Variants in SNTA1 observed in about 807,000 individuals in gnomAD.
The protein encoded by SNTA1 is syntrophin alpha 1, also known as alpha-1-syntrophin.
Under a neutral mutation model 47.1 loss-of-function variants are expected in SNTA1, and 31 were observed. That is an observed-to-expected ratio of 0.66 (90% CI 0.49 to 0.89). SNTA1 has a LOEUF of 0.89. SNTA1 is among the 40% of genes least tolerant of loss of function. The pLI is 0.00. For missense variants in SNTA1, 575 were observed against 693.0 expected, an observed-to-expected ratio of 0.83 and a Z score of 1.91; for synonymous variants, 300 against 313.6, an observed-to-expected ratio of 0.96 and a Z score of 0.46.
At chr20:33,442,689 C>T (rs1600867437) in intron 1 of SNTA1, among the ~76,000 whole-genome samples, 1 of 152,110 alleles carries the variant, frequency 6.6e-6, no homozygotes, top group Non-Finnish European at 1.5e-5. Flanking sequence ...ACCCCACTAG[C>T]GGTCAGTCCT....
At chr20:33,417,638 C>G in intron 3 of SNTA1, 81 bp downstream of exon 3, 1 of 995,570 alleles carries the variant, frequency 1.0e-6, no homozygotes, top group Admixed American at 1.7e-5. Context: ...ATTCGTACAA[C>G]ACAGAGGTGT....
rs1243911929 is a variant in SNTA1, at chr20:33,438,963, T to G, written c.374A>C (p.Gln125Pro). ...SKIFKGLAAD[Q>P]TEALFVGDAI... The stretch of plus-strand genomic sequence containing the variant: ...ATCCCCCACAAAAAGGGCCTCTGTC[T>G]GGTCAGCTGCCAATCCCTTGAAGAT... The change falls in exon 2 of 8, where the codon CAG (glutamine) becomes CCG (proline). Residue 125 changes from glutamine (Q) to proline (P), a missense_variant. Physicochemically the swap from Gln to Pro is moderately conservative, Grantham distance 76. Transcript: ENST00000217381. 6.2e-7 allele frequency: 1 copy of G among 1,614,062 alleles called. No homozygotes were observed. The highest frequency in any genetic ancestry group is 1.3e-5 in the African/African-American group (1 of 74,928).
At chr20:33,418,942 T>TGTC (rs1401321188) in intron 2 of SNTA1, among the ~76,000 whole-genome samples, 3 of 151,522 alleles carry the variant, frequency 2.0e-5, no homozygotes, top group African/African-American at 7.3e-5. Flanking sequence ...GGTGAAACCC[T>TGTC]GTCTCTACTA....
intron 2 of SNTA1, among the ~76,000 whole-genome samples, chr20:33,427,563 A>C (rs1233161913): frequency 6.6e-6 from 1 of 152,158 alleles, no homozygotes; most frequent in African/African-American, 2.4e-5. Flanking sequence ...TTTGGGGGAT[A>C]AAATCTCACC....
chr20:33,439,095 C>T lies in SNTA1; in HGVS notation c.311-69G>A. On this transcript the variant is annotated intron_variant, in intron 1 of 7. Transcript: ENST00000217381. ...AACACTTGGGAGTCACATCAAGACA[C>T]AATTATTTCTGAAGGCTTCCCTTGG... The T allele has an allele frequency of 2.1e-6, 3 of 1,401,382 alleles. No individual in the cohort carries two copies. In the South Asian group the frequency reaches 3.5e-5, roughly 16 times the overall value. The allele number at this position is 1,401,382 out of a possible 1,614,324, so 86.8% of individuals were successfully genotyped here.
chr20:33,432,771 G>A (rs998877319), intron 2 of SNTA1, among the ~76,000 whole-genome samples: 1 of 152,164 alleles, frequency 6.6e-6, no homozygotes, highest in Non-Finnish European at 1.5e-5. Context: ...TGAGATAGGA[G>A]GATCGCTTGA....
chr20:33,418,807 AAAAAAAAAAAAAAAAG>A (rs1989945995), intron 2 of SNTA1, among the ~76,000 whole-genome samples: 1 of 128,696 alleles, frequency 7.8e-6, no homozygotes, highest in Non-Finnish European at 1.6e-5. Context: ...AAAAAAAAAA[AAAAAAAAAAAAAAAAG>A]ACTCCCAGGC....
rs1435395578 is a variant in SNTA1 at position 33,417,791 on chromosome 20, C to T, written c.629G>A (p.Ser210Asn). Residue 210 changes from serine to asparagine, a missense_variant, in exon 3 of 8, where the codon AGC becomes AAC. By Grantham distance (46) the Ser-to-Asn change is conservative. Transcript: ENST00000217381. Reference sequence around the variant, plus strand: ...CTTCAAGGACATGTGTTTGGCCTCGCTGAAGTTCCGGGGTGTGGGGCCAGG... The same window carrying T: ...CTTCAAGGACATGTGTTTGGCCTCGTTGAAGTTCCGGGGTGTGGGGCCAGG... ...SSPGPTPRNF[S>N]EAKHMSLKMA... 1 of 1,614,148 alleles carries T rather than the reference C, an allele frequency of 6.2e-7. No individual in the cohort carries two copies. The highest frequency in any genetic ancestry group is 8.5e-7 in the Non-Finnish European group (1 of 1,180,024).
rs147131997 is a variant in SNTA1 at position 33,430,747 on chromosome 20, G to T, written c.496+8094C>A. 3.3e-5 allele frequency among the ~76,000 whole-genome samples: 5 copies of T among 151,652 alleles called. No individual in the cohort carries two copies. In the East Asian group the frequency reaches 5.9e-4, roughly 18 times the overall value. ...GCGGATCACATGAGGTCAGGAATTC[G>T]AGACCAGCCTGGCTAACATGGTGAG... On this transcript the variant is annotated intron_variant, in intron 2 of 7. Transcript: ENST00000217381.
rs1009302553 is a variant in SNTA1 at position 33,439,024 on chromosome 20, C to T, written c.313G>A (p.Gly105Ser). Residue 105 changes from glycine (G) to serine (S), a missense_variant and splice_region_variant, in exon 2 of 8, where the codon GGC becomes AGC. Gly to Ser is a moderately conservative substitution (Grantham distance 56). Coordinates refer to ENST00000217381, the MANE Select transcript of SNTA1 (RefSeq NM_003098.3). The stretch of plus-strand genomic sequence containing the variant: ...AGAATAGGCATCTTGTTCTCCCGGC[C>T]GCCTGCACAGGTACAGAAGGAGGAC... ...AGGLGISIKG[G>S]RENKMPILIS... 3 of 1,613,964 alleles carry T rather than the reference C, an allele frequency of 1.9e-6. No individual in the cohort carries two copies. Among genetic ancestry groups the T allele is most frequent in the East Asian group, 2.2e-5 (1 of 44,882 alleles).
chr20:33,440,897 TA>T (rs1207807998), intron 1 of SNTA1, among the ~76,000 whole-genome samples: 3 of 152,214 alleles, frequency 2.0e-5, no homozygotes, highest in Admixed American at 2.0e-4. Context: ...CGGCTATTCC[TA>T]TGGCCTCAAA....
rs571670116 is a variant in SNTA1 at position 33,411,712 on chromosome 20, C to T, written c.1040+584G>A. Among the ~76,000 whole-genome samples, 82 of 152,342 alleles carry T rather than the reference C, an allele frequency of 5.4e-4. 1 individual carries two copies. The South Asian group carries it at 0.014, about 25-fold the overall frequency. ...AATAGAAGCTCTTCAAGATCAGGCC[C>T]TGCCAACTCCCTTCTCTCCATTTCC... On this transcript the variant is annotated intron_variant, in intron 5 of 7. Coordinates refer to ENST00000217381, the MANE Select transcript of SNTA1 (RefSeq NM_003098.3).
intron 2 of SNTA1, among the ~76,000 whole-genome samples, chr20:33,427,543 G>A (rs889150180): frequency 1.3e-5 from 2 of 152,124 alleles, no homozygotes; most frequent in African/African-American, 2.4e-5. Flanking sequence ...GAGCCCAGGG[G>A]TTGCCACACT....
chr20:33,436,744 C>T (rs940500265), intron 2 of SNTA1, among the ~76,000 whole-genome samples: 2 of 151,542 alleles, frequency 1.3e-5, no homozygotes, highest in Non-Finnish European at 1.5e-5. Flanking sequence ...AGGCAGATCA[C>T]GAGGTCAGGA....
chr20:33,430,893 G>A (rs984577099), intron 2 of SNTA1, among the ~76,000 whole-genome samples: 4 of 151,562 alleles, frequency 2.6e-5, no homozygotes, highest in Admixed American at 2.0e-4. Flanking sequence ...AGATTGCAGT[G>A]AGCCGAGATC....
intron 2 of SNTA1, 37 bp from the exon 3 acceptor site, chr20:33,417,960 A>T (rs764636803): frequency 7.4e-7 from 1 of 1,356,064 alleles, no homozygotes; most frequent in Non-Finnish European, 1.1e-6. Context: ...CCACTGTGAC[A>T]TGGGCTCCCA....
Position 33,408,580 on chromosome 20 carries a change from C to G in SNTA1, c.1445G>C (p.Cys482Ser), listed in dbSNP as rs1387879914. Residue 482 changes from cysteine to serine, a missense_variant, in exon 8 of 8, where the codon TGT becomes TCT. Physicochemically the swap from Cys to Ser is moderately radical, Grantham distance 112. Coordinates refer to ENST00000217381, the MANE Select transcript of SNTA1 (RefSeq NM_003098.3). ...EGEIQLDLHS[C>S]PKTIVFIIHS... is the part of the protein sequence containing the mutation. ...GATGATGAAGACTATGGTTTTGGGACACGAGTGCAGGTCCAGCTGCTGGAG... is the reference window on the plus strand; with the variant it reads ...GATGATGAAGACTATGGTTTTGGGAGACGAGTGCAGGTCCAGCTGCTGGAG... 6.2e-7 allele frequency: 1 copy of G among 1,614,136 alleles called. No homozygotes were observed. The highest frequency in any genetic ancestry group is 1.3e-5 in the African/African-American group (1 of 75,048).
chr20:33,441,445 C>T (rs749446586), intron 1 of SNTA1, among the ~76,000 whole-genome samples: 3 of 152,142 alleles, frequency 2.0e-5, no homozygotes, highest in Non-Finnish European at 4.4e-5. Context: ...AGTCTGGTGG[C>T]GGAGCTGGGA....
In SNTA1 at chr20:33,408,659, C is replaced by G. The variant is rs756197826; in HGVS notation, c.1425+42G>C. ...GGCCAGCCTGGCCTCCGAGAGTGCA[C>G]ACCCCCTCCTCCCCAGGGTGCAGAG... On this transcript the variant is annotated intron_variant, in intron 7 of 7. Coordinates refer to ENST00000217381, the MANE Select transcript of SNTA1 (RefSeq NM_003098.3). The G allele has an allele frequency of 3.1e-6, 5 of 1,610,522 alleles. No homozygotes were observed. In the Admixed American group the frequency reaches 5.0e-5, roughly 16 times the overall value.
Sources: gnomAD v4.1 joint callset for allele counts (sites outside exome capture counted in the v4.1 genomes callset) on GRCh38, gnomAD v4.1.1 for gene constraint, MANE v1.5 for transcripts, NCBI Gene and HGNC (gene_info 2026-07-23, HGNC 2026-07-21) for gene names.